Variants in SLC24A2 observed in about 807,000 individuals in gnomAD.
SLC24A2 encodes sodium/potassium/calcium exchanger 2.
In SLC24A2, 36 loss-of-function variants were observed where a neutral mutation model predicts 62.0. That is an observed-to-expected ratio of 0.58 (90% confidence interval 0.44 to 0.77). The LOEUF is 0.77. Ranked by LOEUF, SLC24A2 falls within the 30% of genes least tolerant of loss-of-function variation. The probability of loss-of-function intolerance (pLI) is 0.00; values close to 1 mark genes in which losing one functional copy is unlikely to be tolerated. For synonymous variants in SLC24A2, 358 were observed against 294.0 expected, an observed-to-expected ratio of 1.22 and a Z score of -2.23; for missense variants, 846 against 817.9, an observed-to-expected ratio of 1.03 and a Z score of -0.42.
chr9:20,251,243 GTGTT>G, the SLC24A2 span, among the ~76,000 whole-genome samples: 1 of 152,076 alleles, frequency 6.6e-6, no homozygotes, highest in East Asian at 1.9e-4. Context: ...ATACTCTTAG[GTGTT>G]TCCTCTCAGC....
At chr9:20,207,177 A>C in the SLC24A2 span, among the ~76,000 whole-genome samples, 1,472 of 152,364 alleles carry the variant, frequency 9.7e-3, 12 homozygotes, top group Non-Finnish European at 0.016. Flanking sequence ...TATAATGCAG[A>C]CTTTAGTATC....
At chr9:19,951,561 A>T in the SLC24A2 span, among the ~76,000 whole-genome samples, 1 of 150,870 alleles carries the variant, frequency 6.6e-6, no homozygotes, top group East Asian at 1.9e-4. Context: ...GTCAAGATTT[A>T]TTTTTTTTTT....
chr9:19,759,914 T>C (rs755514206), intron 2 of SLC24A2, among the ~76,000 whole-genome samples: 2 of 152,202 alleles, frequency 1.3e-5, no homozygotes, highest in East Asian at 1.9e-4. Context: ...TAATGTGGCC[T>C]TTTAAAATAA....
the SLC24A2 span, among the ~76,000 whole-genome samples, chr9:20,167,360 G>T: frequency 1.3e-5 from 2 of 151,952 alleles, no homozygotes; most frequent in Non-Finnish European, 2.9e-5. Flanking sequence ...TGTTTGTGTT[G>T]TTGGAAGCTG....
chr9:19,525,390 A>T (rs13297814), intron 9 of SLC24A2, among the ~76,000 whole-genome samples: 10,531 of 41,498 alleles, frequency 0.25, 892 homozygotes, highest in East Asian at 0.45. Context: ...CTATTTCTTT[A>T]CTTTTTTTTT....
At chr9:19,947,656 T>A in the SLC24A2 span, among the ~76,000 whole-genome samples, 2 of 151,138 alleles carry the variant, frequency 1.3e-5, no homozygotes, top group Non-Finnish European at 3.0e-5. Context: ...CCGGGCATGG[T>A]GGCGGGCACC....
At chr9:19,563,824 T>TCCTTCCTC (rs1454030118) in intron 7 of SLC24A2, among the ~76,000 whole-genome samples, 1 of 76,636 alleles carries the variant, frequency 1.3e-5, no homozygotes, top group Non-Finnish European at 2.4e-5. Flanking sequence ...CTTCCTTCCT[T>TCCTTCCTC]CCTCCCTCCC....
At chr9:20,068,247 A>G in the SLC24A2 span, among the ~76,000 whole-genome samples, 1 of 151,912 alleles carries the variant, frequency 6.6e-6, no homozygotes, top group East Asian at 1.9e-4. Flanking sequence ...TATTTTTAGT[A>G]GAGACGGGGT....
the SLC24A2 span, among the ~76,000 whole-genome samples, chr9:19,984,573 G>T: frequency 6.6e-6 from 1 of 152,110 alleles, no homozygotes; most frequent in African/African-American, 2.4e-5. Flanking sequence ...AGGTGTGTTG[G>T]TACATGCCTG....
intron 4 of SLC24A2, among the ~76,000 whole-genome samples, chr9:19,618,399 T>C (rs573401912): frequency 2.0e-5 from 3 of 152,134 alleles, no homozygotes; most frequent in South Asian, 4.2e-4. Context: ...CCAGGACCTG[T>C]GGAGGAAGGC....
the SLC24A2 span, among the ~76,000 whole-genome samples, chr9:19,988,687 G>C: frequency 3.9e-4 from 60 of 152,190 alleles, no homozygotes; most frequent in Non-Finnish European, 2.9e-5. Flanking sequence ...AATAGGCAAT[G>C]TCTCTCACAG....
intron 2 of SLC24A2, among the ~76,000 whole-genome samples, chr9:19,644,890 T>C (rs1818599311): frequency 6.6e-6 from 1 of 152,214 alleles, no homozygotes; most frequent in Non-Finnish European, 1.5e-5. Context: ...CATTCTGTGA[T>C]TTCTGAAATC....
At chr9:19,850,095 A>T in the SLC24A2 span, among the ~76,000 whole-genome samples, 2 of 150,448 alleles carry the variant, frequency 1.3e-5, no homozygotes, top group Middle Eastern at 3.5e-3. Flanking sequence ...TCAGTTCTTT[A>T]TAAGAATGCT....
chr9:20,002,138 C>T, the SLC24A2 span, among the ~76,000 whole-genome samples: 1 of 152,150 alleles, frequency 6.6e-6, no homozygotes, highest in Non-Finnish European at 1.5e-5. Context: ...ACCTCTGGTG[C>T]AGAGACAAGC....
the SLC24A2 span, among the ~76,000 whole-genome samples, chr9:19,909,923 C>T: frequency 6.6e-6 from 1 of 152,116 alleles, no homozygotes; most frequent in East Asian, 1.9e-4. Flanking sequence ...TTTCTCTCTT[C>T]CTGCAAACAT....
the SLC24A2 span, among the ~76,000 whole-genome samples, chr9:19,977,525 T>C: frequency 1.5e-3 from 228 of 152,150 alleles, 4 homozygotes; most frequent in East Asian, 0.03. Context: ...GATGAAGAGA[T>C]AGGTACAAGT....
intron 6 of SLC24A2, among the ~76,000 whole-genome samples, chr9:19,573,677 C>T (rs149493597): frequency 6.6e-5 from 10 of 152,090 alleles, no homozygotes; most frequent in Admixed American, 3.9e-4. Context: ...TTGAGCCAAG[C>T]GGGAAAGGAT....
chr9:19,636,386 T>TTCCTCCCTCCCTCC (rs1818351514), intron 2 of SLC24A2, among the ~76,000 whole-genome samples: 1 of 23,396 alleles, frequency 4.3e-5, no homozygotes, highest in African/African-American at 1.6e-4. Flanking sequence ...TTTCTTTCTT[T>TTCCTCCCTCCCTCC]CTCCCTCTCT....
the SLC24A2 span, among the ~76,000 whole-genome samples, chr9:19,913,507 G>A: frequency 3.9e-5 from 6 of 152,100 alleles, no homozygotes; most frequent in Non-Finnish European, 7.4e-5. Flanking sequence ...AGCAGAGAAA[G>A]CCAGTATACA....
Sources: allele counts gnomAD v4.1 joint callset (sites outside exome capture counted in the v4.1 genomes callset), GRCh38; gene constraint gnomAD v4.1.1; transcripts MANE v1.5; gene names NCBI Gene and HGNC (gene_info 2026-07-23, HGNC 2026-07-21).